The following GLYATL2 variants were observed in gnomAD, a reference collection of about 807,000 sequenced individuals.
GLYATL2 encodes glycine-N-acyltransferase like 2.
In GLYATL2, 25 loss-of-function variants were observed where a neutral mutation model predicts 21.4. That is an observed-to-expected ratio of 1.17 (90% CI 0.85 to 1.63). The LOEUF (loss-of-function observed/expected upper bound fraction) is 1.63, where lower values mean the gene tolerates loss of function less well. Ranked by LOEUF, GLYATL2 falls within the 40% of genes most tolerant of loss-of-function variation. The probability of loss-of-function intolerance (pLI) is 0.00; values close to 1 mark genes in which losing one functional copy is unlikely to be tolerated. For missense variants in GLYATL2, 361 were observed against 343.3 expected (o/e 1.05, Z -0.41); for synonymous variants, 114 against 118.2 (o/e 0.96, Z 0.23).
chr11:58,852,032 TAATTTTAATTCTTTG>T lies in GLYATL2; in HGVS notation n.61-13679_61-13665del, dbSNP rs562953626. 1.4e-3 allele frequency among the ~76,000 whole-genome samples: 210 copies of T among 152,382 alleles called. 1 individual carries two copies. Among genetic ancestry groups the T allele is most frequent in the African/African-American group, 4.6e-3 (192 of 41,594 alleles). ...TGGATTGATCCACTAGAAGCATCAATAATTTTAATTCTTTGAATGGAAATAATATGTAAATTGGTA... is the reference window on the plus strand; with the variant it reads ...TGGATTGATCCACTAGAAGCATCAATAATGGAAATAATATGTAAATTGGTA... On this transcript the variant is annotated intron_variant and non_coding_transcript_variant, in intron 1 of 4. Coordinates refer to the GLYATL2 transcript ENST00000533636.
chr11:58,905,743 A>T, upstream of GLYATL2: 1 of 3,026 alleles, frequency 3.3e-4, no homozygotes, highest in Non-Finnish European at 6.3e-4. Context: ...ACAAATAGGG[A>T]GGGTGGGCGG....
In GLYATL2 at chr11:58,834,853, AT is replaced by A. The variant is rs774402769; in HGVS notation, c.477-17del. 6.5e-7 allele frequency: 1 copy of A among 1,539,962 alleles called. No homozygotes were observed. Among genetic ancestry groups the A allele is most frequent in the Non-Finnish European group, 8.7e-7 (1 of 1,144,712 alleles). On this transcript the variant is annotated splice_polypyrimidine_tract_variant and intron_variant, in intron 5 of 5. Transcript: ENST00000287275. ...GTTTCCTTCCCTGTGAAGAAAAAGA[AT>A]TTTACATTTATTCAGCCAATATTAC...
intron 1 of GLYATL2, among the ~76,000 whole-genome samples, chr11:58,872,040 A>G (rs1330344819): frequency 6.6e-5 from 10 of 152,128 alleles, no homozygotes. Context: ...GCCAGTGATG[A>G]TGAGCATTTT....
At chr11:58,882,166 A>G (rs1854348523) in intron 1 of GLYATL2, among the ~76,000 whole-genome samples, 3 of 152,246 alleles carry the variant, frequency 2.0e-5, no homozygotes, top group Non-Finnish European at 4.4e-5. Flanking sequence ...ACTGTCTTCC[A>G]CAATGGCTGA....
rs531684300 is a variant in GLYATL2, at chr11:58,885,911, T to C, written n.60+18245A>G. Among the ~76,000 whole-genome samples the C allele has an allele frequency of 4.6e-5, 7 of 152,274 alleles. No homozygotes were observed. In the East Asian group the frequency reaches 1.2e-3, roughly 25 times the overall value. ...AGAAACAAAAACCAAGGCAGATGTC[T>C]ACCAGTAAAATTACCTCTCAGGGCC... On this transcript the variant is annotated intron_variant and non_coding_transcript_variant, in intron 1 of 4. Coordinates refer to the GLYATL2 transcript ENST00000533636.
chr11:58,874,734 G>C (rs1401286939), intron 1 of GLYATL2, among the ~76,000 whole-genome samples: 1 of 152,222 alleles, frequency 6.6e-6, no homozygotes, highest in Non-Finnish European at 1.5e-5. Context: ...TGTAGTAGTT[G>C]TAGTGTGGTG....
chr11:58,871,468 GT>G (rs2134602967), intron 1 of GLYATL2, among the ~76,000 whole-genome samples: 1 of 134,912 alleles, frequency 7.4e-6, no homozygotes, highest in African/African-American at 2.9e-5. Flanking sequence ...GGTGTGTGAT[GT>G]TCCCCTTCCT....
rs978074619 is a variant in GLYATL2, at chr11:58,838,547, C to T, written c.79-179G>A. On this transcript the variant is annotated intron_variant, in intron 2 of 5. Coordinates refer to ENST00000287275, the MANE Select transcript of GLYATL2 (RefSeq NM_145016.4). Reference sequence around the variant, plus strand: ...ACTCATTGAGAGTTATGCTGCTAGACGGCCCAAAAAGCATCCACAAAAATC... The same window carrying T: ...ACTCATTGAGAGTTATGCTGCTAGATGGCCCAAAAAGCATCCACAAAAATC... Among the ~76,000 whole-genome samples the T allele has an allele frequency of 1.1e-4, 16 of 152,216 alleles. No homozygotes were observed. In the Middle Eastern group the frequency reaches 0.02, roughly 194 times the overall value.
chr11:58,881,079 T>C (rs915830022), intron 1 of GLYATL2, among the ~76,000 whole-genome samples: 1 of 152,240 alleles, frequency 6.6e-6, no homozygotes, highest in African/African-American at 2.4e-5. Flanking sequence ...GATTTAATTG[T>C]TAAATCTATA....
chr11:58,849,646 T>A (rs1402377427), upstream of GLYATL2, among the ~76,000 whole-genome samples: 2 of 152,144 alleles, frequency 1.3e-5, no homozygotes, highest in Non-Finnish European at 2.9e-5. Flanking sequence ...ACTCAAACTG[T>A]TCTGAAAAAT....
intron 1 of GLYATL2, among the ~76,000 whole-genome samples, chr11:58,875,515 C>T (rs1218102774): frequency 3.3e-5 from 5 of 152,184 alleles, no homozygotes; most frequent in South Asian, 4.1e-4. Flanking sequence ...CATTTGCTTG[C>T]CTGTAAAGTA....
chr11:58,888,205 A>G (rs1238843730), intron 1 of GLYATL2, among the ~76,000 whole-genome samples: 1 of 152,144 alleles, frequency 6.6e-6, no homozygotes, highest in African/African-American at 2.4e-5. Context: ...TGTTTTGGAT[A>G]CTAGGGATAC....
chr11:58,894,543 T>C (rs1854604005), intron 1 of GLYATL2, among the ~76,000 whole-genome samples: 1 of 149,460 alleles, frequency 6.7e-6, no homozygotes, highest in Non-Finnish European at 1.5e-5. Context: ...AAAGGAAATC[T>C]TAATGGAGTT....
At chr11:58,889,646 T>C (rs1295294958) in intron 1 of GLYATL2, among the ~76,000 whole-genome samples, 1 of 152,048 alleles carries the variant, frequency 6.6e-6, no homozygotes, top group Non-Finnish European at 1.5e-5. Context: ...AGTCATGAAA[T>C]TTTTCCTCCT....
intron 5 of GLYATL2, among the ~76,000 whole-genome samples, chr11:58,835,652 G>A (rs968944721): frequency 5.3e-5 from 8 of 152,178 alleles, no homozygotes; most frequent in Middle Eastern, 3.4e-3. Context: ...AGTTTTCTAC[G>A]GGCGATGCTT....
intron 1 of GLYATL2, among the ~76,000 whole-genome samples, chr11:58,900,142 G>T (rs1043214099): frequency 6.6e-6 from 1 of 152,144 alleles, no homozygotes; most frequent in Non-Finnish European, 1.5e-5. Context: ...CCCATGCCTT[G>T]TAGATGACCC....
At position 58,834,660 on chromosome 11, in the gene GLYATL2, T is replaced by G. The variant is rs1853393966; in HGVS notation, c.654A>C (p.Glu218Asp). 1.2e-6 allele frequency: 2 copies of G among 1,613,518 alleles called. No homozygotes were observed. The highest frequency in any genetic ancestry group is 2.7e-5 in the African/African-American group (2 of 74,994). ...EGQLVSWIVM[E>D]QSCELRMGYT... Reference sequence around the variant, plus strand: ...AACCCATTCTCAACTCACAGGACTGTTCCATCACAATCCAAGAGACAAGCT... The same window carrying G: ...AACCCATTCTCAACTCACAGGACTGGTCCATCACAATCCAAGAGACAAGCT... Residue 218 changes from glutamate (E) to aspartate (D), a missense_variant, in exon 6 of 6, where the codon GAA becomes GAC. Physicochemically the swap from Glu to Asp is conservative, Grantham distance 45 (BLOSUM62 2). Transcript: ENST00000287275.
chr11:58,843,360 G>A (rs1853587008), intron 1 of GLYATL2, among the ~76,000 whole-genome samples: 1 of 152,178 alleles, frequency 6.6e-6, no homozygotes, highest in Non-Finnish European at 1.5e-5. Context: ...ATGTTAATGG[G>A]AGAAAGAGTG....
chr11:58,836,011 G>C (rs1395691115), intron 5 of GLYATL2, among the ~76,000 whole-genome samples: 1 of 151,996 alleles, frequency 6.6e-6, no homozygotes, highest in Non-Finnish European at 1.5e-5. Context: ...TTTTCAATTA[G>C]TAATACAAAT....
Sources: gnomAD v4.1 joint callset for allele counts (sites outside exome capture counted in the v4.1 genomes callset) on GRCh38, gnomAD v4.1.1 for gene constraint, MANE v1.5 for transcripts, NCBI Gene and HGNC (gene_info 2026-07-23, HGNC 2026-07-21) for gene names.